CES5A: variants seen among roughly 807,000 people sequenced by gnomAD.
The protein encoded by CES5A is carboxylesterase 5.
CES5A carries 67 observed loss-of-function variants against 62.9 expected under a neutral mutation model. That is an observed-to-expected ratio of 1.07 (90% CI 0.88 to 1.31). The LOEUF is 1.31. Ranked by LOEUF, CES5A falls within the 50% of genes most tolerant of loss-of-function variation. The pLI, the probability that CES5A is intolerant of heterozygous loss-of-function variation, is 0.00. For synonymous variants in CES5A, 296 were observed against 280.8 expected, an observed-to-expected ratio of 1.05 and a Z score of -0.54; for missense variants, 748 against 708.5, an observed-to-expected ratio of 1.06 and a Z score of -0.63.
intron 1 of CES5A, among the ~76,000 whole-genome samples, chr16:55,886,985 A>G (rs2033823223): frequency 6.6e-6 from 1 of 152,186 alleles, no homozygotes; most frequent in African/African-American, 2.4e-5. Flanking sequence ...TGGAAACAGC[A>G]TAATAGAACA....
At chr16:55,878,678 C>T (rs1192797003), upstream of CES5A, among the ~76,000 whole-genome samples, 2 of 146,798 alleles carry the variant, frequency 1.4e-5, no homozygotes, top group African/African-American at 5.1e-5. Context: ...TGCATCCCAC[C>T]ACTGCACCCA....
At position 55,846,281 on chromosome 16, in the gene CES5A, A is replaced by G; in HGVS notation, c.*170T>C. On this transcript the variant is annotated 3_prime_UTR_variant, in exon 13 of 13. Coordinates refer to ENST00000290567, the MANE Select transcript of CES5A (RefSeq NM_001143685.2). The stretch of plus-strand genomic sequence containing the variant: ...CTTCCAAGACAAATTGCACTTTTTG[A>G]TGTTGAAAAGAATTCTGTAAGGATC... 1.6e-6 allele frequency: 1 copy of G among 612,056 alleles called. No individual in the cohort carries two copies. Among genetic ancestry groups the G allele is most frequent in the Non-Finnish European group, 2.9e-6 (1 of 348,292 alleles). The allele number at this position is 612,056 out of a possible 1,614,324, so 37.9% of individuals were successfully genotyped here. A position where few individuals can be genotyped will look rare whatever the true frequency, so the allele number is the denominator to read the frequency against.
chr16:55,892,970 C>G (rs1470911453), intron 1 of CES5A, among the ~76,000 whole-genome samples: 1 of 152,142 alleles, frequency 6.6e-6, no homozygotes, highest in African/African-American at 2.4e-5. Context: ...GGAAAAATCA[C>G]CTAAACTTCT....
At chr16:55,856,266 C>T (rs1170988626) in intron 9 of CES5A, 111 bp downstream of exon 9, 4 of 891,854 alleles carry the variant, frequency 4.5e-6, no homozygotes, top group Non-Finnish European at 5.6e-6. Context: ...TATTGAATGA[C>T]TGAGTGAGTG....
chr16:55,915,848 G>A (rs2034143316), intron 1 of CES5A, among the ~76,000 whole-genome samples: 1 of 152,214 alleles, frequency 6.6e-6, no homozygotes. Context: ...CAGAGTCCCT[G>A]TGCAAAGCAT....
At chr16:55,867,574 T>C (rs1199986042) in intron 4 of CES5A, among the ~76,000 whole-genome samples, 1 of 152,132 alleles carries the variant, frequency 6.6e-6, no homozygotes, top group Non-Finnish European at 1.5e-5. Context: ...CCCAGGCCCC[T>C]GCTCAAGAGT....
intron 1 of CES5A, among the ~76,000 whole-genome samples, chr16:55,922,749 C>A (rs1052279044): frequency 1.4e-4 from 22 of 151,924 alleles, no homozygotes; most frequent in African/African-American, 4.3e-4. Flanking sequence ...ATTCTTTTCA[C>A]CAGCATATAG....
intron 2 of CES5A, among the ~76,000 whole-genome samples, chr16:55,942,440 C>T (rs1379945128): frequency 6.6e-6 from 1 of 152,166 alleles, no homozygotes; most frequent in Non-Finnish European, 1.5e-5. Flanking sequence ...GGAAGATACA[C>T]ATATAGCTAA....
In CES5A at chr16:55,937,797, C is replaced by G. The variant is rs555611911; in HGVS notation, c.160+11988G>C. On this transcript the variant is annotated intron_variant, in intron 2 of 13. Transcript: ENST00000521992. ...CCTGACCTTGGACAGGGCCCTTTCC[C>G]AAAAGGGTCCTCTTTCTCTCCATTG... is the stretch of plus-strand genomic sequence containing the variant. Among the ~76,000 whole-genome samples, 16 of 152,198 alleles carry G rather than the reference C, an allele frequency of 1.1e-4. No homozygotes were observed. The East Asian group carries it at 3.1e-3, about 29-fold the overall frequency.
In CES5A at chr16:55,866,069, A is replaced by G. The variant is rs760880748; in HGVS notation, c.599T>C (p.Val200Ala). The change falls in exon 5 of 13, where the codon GTG (valine) becomes GCG (alanine). Residue 200 changes from valine (V) to alanine (A), a missense_variant. Val to Ala is a moderately conservative substitution (Grantham distance 64). Transcript: ENST00000290567. The stretch of plus-strand genomic sequence containing the variant: ...CTTCTGGACCCAGGACAGAGCAGCC[A>G]CCTGGTCCTTGAAGGCCCAGTTCCC... Reference protein sequence around the residue: ...APGNWAFKDQVAALSWVQKNI... With the variant: ...APGNWAFKDQAAALSWVQKNI... 9.3e-6 allele frequency: 15 copies of G among 1,614,014 alleles called. No individual in the cohort carries two copies. The African/African-American group carries it at 1.2e-4, about 13-fold the overall frequency.
At chr16:55,924,937 G>C (rs1335052810) in intron 1 of CES5A, among the ~76,000 whole-genome samples, 2 of 151,860 alleles carry the variant, frequency 1.3e-5, no homozygotes, top group East Asian at 3.8e-4. Flanking sequence ...TTGGATAAAC[G>C]CCACAGGACA....
chr16:55,938,002 C>T (rs1443663993), intron 2 of CES5A, among the ~76,000 whole-genome samples: 1 of 152,084 alleles, frequency 6.6e-6, no homozygotes, highest in African/African-American at 2.4e-5. Flanking sequence ...CTTTTCCTTT[C>T]CCATTTTTAA....
intron 9 of CES5A, 33 bp from the exon 10 acceptor site, chr16:55,853,061 G>A: frequency 6.2e-7 from 1 of 1,611,002 alleles, no homozygotes; most frequent in East Asian, 2.2e-5. Flanking sequence ...GGAGATCCAG[G>A]TCAACCACAA....
intron 1 of CES5A, among the ~76,000 whole-genome samples, chr16:55,910,952 C>G (rs1370387450): frequency 6.6e-6 from 1 of 152,148 alleles, no homozygotes; most frequent in East Asian, 1.9e-4. Flanking sequence ...CCCTGGCCTG[C>G]CCTAAAGCCT....
In CES5A at chr16:55,851,097, T is replaced by C. The variant is rs562599041; in HGVS notation, c.1274-1324A>G. Among the ~76,000 whole-genome samples, 121 of 152,316 alleles carry C rather than the reference T, an allele frequency of 7.9e-4. 1 individual carries two copies. Among genetic ancestry groups the C allele is most frequent in the Middle Eastern group, 6.8e-3 (2 of 294 alleles). On this transcript the variant is annotated intron_variant, in intron 10 of 12. Transcript: ENST00000290567. The stretch of plus-strand genomic sequence containing the variant: ...TTGAATTTGGCAGTGGATTCTTATA[T>C]ATGACACCAAAACCACAACCAACAA...
chr16:55,953,655 A>G (rs1159208326), intron 1 of CES5A, among the ~76,000 whole-genome samples: 5 of 152,164 alleles, frequency 3.3e-5, no homozygotes, highest in Non-Finnish European at 5.9e-5. Context: ...TGATGTTACT[A>G]GGTGGAGTAG....
At chr16:55,935,725 G>A (rs568169732) in intron 2 of CES5A, among the ~76,000 whole-genome samples, 11 of 151,442 alleles carry the variant, frequency 7.3e-5, no homozygotes, top group Admixed American at 7.2e-4. Context: ...AGATGTCTGT[G>A]TGTAACTTCT....
intron 2 of CES5A, among the ~76,000 whole-genome samples, chr16:55,944,712 T>C (rs1293172145): frequency 6.6e-6 from 1 of 152,218 alleles, no homozygotes; most frequent in Non-Finnish European, 1.5e-5. Context: ...GGATTGGTCC[T>C]GCAGGCTCTG....
Position 55,849,776 on chromosome 16 carries a change from G to A in CES5A, c.1274-3C>T. On this transcript the variant is annotated splice_region_variant and splice_polypyrimidine_tract_variant and intron_variant, in intron 10 of 12. Coordinates refer to ENST00000290567, the MANE Select transcript of CES5A (RefSeq NM_001143685.2). ...GAAGTAGACAGGTGCACCAGCATCTGACAAAAGGTCAGGGAAGGTCAGGCA... is the reference window on the plus strand; with the variant it reads ...GAAGTAGACAGGTGCACCAGCATCTAACAAAAGGTCAGGGAAGGTCAGGCA... 1 of 1,613,536 alleles carries A rather than the reference G, an allele frequency of 6.2e-7. No homozygotes were observed. The highest frequency in any genetic ancestry group is 1.1e-5 in the South Asian group (1 of 91,048).
Sources: allele counts gnomAD v4.1 joint callset (sites outside exome capture counted in the v4.1 genomes callset), GRCh38; gene constraint gnomAD v4.1.1; transcripts MANE v1.5; gene names NCBI Gene and HGNC (gene_info 2026-07-23, HGNC 2026-07-21).